DYNC2I1: variants seen among roughly 807,000 people sequenced by gnomAD.
DYNC2I1 encodes dynein 2 intermediate chain 1, also known as cytoplasmic dynein 2 intermediate chain 1.
A neutral mutation model predicts 133.4 loss-of-function variants in DYNC2I1; 89 were observed. That is an observed-to-expected ratio of 0.67 (90% CI 0.56 to 0.80). The LOEUF (loss-of-function observed/expected upper bound fraction) is 0.80, where lower values mean the gene tolerates loss of function less well. DYNC2I1 is among the 30% of genes least tolerant of loss of function. The probability of loss-of-function intolerance (pLI) is 0.00; values close to 1 mark genes in which losing one functional copy is unlikely to be tolerated. For synonymous variants in DYNC2I1, 504 were observed against 484.3 expected, an observed-to-expected ratio of 1.04 and a Z score of -0.54; for missense variants, 1,291 against 1,314.5, an observed-to-expected ratio of 0.98 and a Z score of 0.28.
At position 158,891,297 on chromosome 7, in the gene DYNC2I1, G is replaced by A; in HGVS notation, c.1023G>A (p.Trp341Ter). 6.2e-7 allele frequency: 1 copy of A among 1,614,068 alleles called. No homozygotes were observed. Among genetic ancestry groups the A allele is most frequent in the Non-Finnish European group, 8.5e-7 (1 of 1,179,902 alleles). ...ACGAGGAAGGCTCTTCTGTGTGGTG[G>A]AAGCTGGACCAGAGGCCGGGAGGCG... ...HGHEEGSSVW[W>*]KLDQRPGGEE... is the part of the protein sequence containing the mutation. Residue 341 changes from tryptophan (W) to a stop codon, truncating the protein, a stop_gained, in exon 8 of 25, where the codon TGG becomes TGA. Transcript: ENST00000407559. LOFTEE classifies it high-confidence loss of function.
At chr7:158,944,110 CTT>C (rs770226111) in intron 24 of DYNC2I1, among the ~76,000 whole-genome samples, 32 of 152,184 alleles carry the variant, frequency 2.1e-4, no homozygotes, top group Admixed American at 1.1e-3. Context: ...GGATTTAACA[CTT>C]TTAGAGTTAC....
chr7:158,912,872 C>A, intron 12 of DYNC2I1, 113 bp from the exon 13 acceptor site: 1 of 735,058 alleles, frequency 1.4e-6, no homozygotes, highest in Non-Finnish European at 2.2e-6. Context: ...CATGATTGTT[C>A]TTTATGCTTT....
the DYNC2I1 span, among the ~76,000 whole-genome samples, chr7:158,849,854 T>A: frequency 1.5e-3 from 228 of 152,306 alleles, 3 homozygotes; most frequent in South Asian, 0.029. Context: ...TCCTGATTGG[T>A]CCATGGGTGG....
At chr7:158,957,845 G>A (rs190344485), downstream of DYNC2I1, among the ~76,000 whole-genome samples, 245 of 152,322 alleles carry the variant, frequency 1.6e-3, 1 homozygote, top group African/African-American at 5.4e-3. Context: ...GCTACGTGCT[G>A]TATCAGACAC....
intron 6 of DYNC2I1, among the ~76,000 whole-genome samples, chr7:158,885,021 G>T (rs1844455245): frequency 6.6e-6 from 1 of 152,194 alleles, no homozygotes; most frequent in Non-Finnish European, 1.5e-5. Flanking sequence ...AGTCCTCCCT[G>T]CCTGAAGCTA....
Position 158,911,535 on chromosome 7 carries a change from C to T in DYNC2I1, c.1461-15C>T. 5 of 1,607,910 alleles carry T rather than the reference C, an allele frequency of 3.1e-6. No individual in the cohort carries two copies. The highest frequency in any genetic ancestry group is 3.4e-6 in the Non-Finnish European group (4 of 1,178,086). ...TTCGAGTTAATTTTTGTCTTGTTTC[C>T]AATTTATTTCAAAGGATGCGAAGTA... On this transcript the variant is annotated splice_polypyrimidine_tract_variant and intron_variant, in intron 11 of 24. Coordinates refer to ENST00000407559, the MANE Select transcript of DYNC2I1 (RefSeq NM_018051.5).
chr7:158,905,322 G>T, intron 10 of DYNC2I1: 1 of 308,416 alleles, frequency 3.2e-6, no homozygotes, highest in Non-Finnish European at 6.3e-6. Flanking sequence ...TGTATTTTTA[G>T]TAGAGACGGG....
At chr7:158,868,232 C>T (rs712198) in intron 1 of DYNC2I1, among the ~76,000 whole-genome samples, 33,300 of 152,086 alleles carry the variant, frequency 0.22, 3,803 homozygotes, top group Middle Eastern at 0.28. Context: ...TTTTAATAGT[C>T]CCCTCAGATG....
Position 158,918,790 on chromosome 7 carries a change from G to T in DYNC2I1, c.1842G>T (p.Trp614Cys). ...EEDRLAAEPSWNLRAQDRALY... is the reference protein window; with the variant it reads ...EEDRLAAEPSCNLRAQDRALY... ...ATCGCTTGGCAGCTGAACCCAGCTG[G>T]AATCTTAGGGCTCAAGACAGGGCCC... is the stretch of plus-strand genomic sequence containing the variant. The change falls in exon 15 of 25, where the codon TGG becomes TGT. Residue 614 changes from tryptophan (W) to cysteine (C), a missense_variant. Coordinates refer to ENST00000407559, the MANE Select transcript of DYNC2I1 (RefSeq NM_018051.5). 6.2e-7 allele frequency: 1 copy of T among 1,613,880 alleles called. No homozygotes were observed. The highest frequency in any genetic ancestry group is 8.5e-7 in the Non-Finnish European group (1 of 1,179,850).
At position 158,945,979 on chromosome 7, in the gene DYNC2I1, G is replaced by T; in HGVS notation, c.*200G>T. The T allele has an allele frequency of 1.9e-6, 1 of 526,320 alleles. No homozygotes were observed. The highest frequency in any genetic ancestry group is 3.0e-6 in the Non-Finnish European group (1 of 338,206). 32.6% of individuals were successfully genotyped at this position (526,320 alleles called of 1,614,324 possible). On this transcript the variant is annotated 3_prime_UTR_variant, in exon 25 of 25. Coordinates refer to ENST00000407559, the MANE Select transcript of DYNC2I1 (RefSeq NM_018051.5). This position sits in a 1 kb window ranked among gnomAD's most constrained non-coding sequence, Gnocchi z 4.1. The stretch of plus-strand genomic sequence containing the variant: ...TTGAGTGGAAACAAAGAACATTCTA[G>T]CATTTACAAAACTTCCAGGGGAATG...
intron 5 of DYNC2I1, among the ~76,000 whole-genome samples, chr7:158,880,272 C>T (rs576472545): frequency 2.6e-5 from 4 of 152,292 alleles, no homozygotes; most frequent in Non-Finnish European, 4.4e-5. Flanking sequence ...CGCGGTGGCT[C>T]ATGCCTGTCA....
At chr7:158,865,628 C>T (rs967902704) in intron 1 of DYNC2I1, among the ~76,000 whole-genome samples, 6 of 152,154 alleles carry the variant, frequency 3.9e-5, no homozygotes, top group Non-Finnish European at 7.3e-5. Flanking sequence ...CTGCTTAGCT[C>T]TCCTGAGTCT....
chr7:158,860,947 C>T (rs1401417300), intron 1 of DYNC2I1, among the ~76,000 whole-genome samples: 1 of 152,182 alleles, frequency 6.6e-6, no homozygotes, highest in Non-Finnish European at 1.5e-5. Context: ...TGTGGGGTTC[C>T]TCCAGAGAAC....
At chr7:158,878,400 T>G (rs1300819134) in intron 4 of DYNC2I1, among the ~76,000 whole-genome samples, 2 of 82,012 alleles carry the variant, frequency 2.4e-5, no homozygotes, top group African/African-American at 4.7e-5. Context: ...CCGGGTGCCA[T>G]GTGGGGAGGC....
chr7:158,914,626 A>G (rs1847825771), intron 14 of DYNC2I1, among the ~76,000 whole-genome samples: 1 of 152,264 alleles, frequency 6.6e-6, no homozygotes, highest in South Asian at 2.1e-4. Context: ...GAAGTTGGCA[A>G]GGCAAGCATA....
intron 3 of DYNC2I1, among the ~76,000 whole-genome samples, chr7:158,875,217 C>T (rs1843244275): frequency 6.6e-6 from 1 of 151,662 alleles, no homozygotes; most frequent in African/African-American, 2.4e-5. Context: ...TCCTTAGCCT[C>T]CTGAGTACCT....
chr7:158,872,528 A>G (rs1842976736), intron 3 of DYNC2I1, among the ~76,000 whole-genome samples: 1 of 151,974 alleles, frequency 6.6e-6, no homozygotes, highest in African/African-American at 2.4e-5. Flanking sequence ...CCAGCTACTC[A>G]GTAGGCTGAG....
chr7:158,949,928 C>T (rs1852004885), downstream of DYNC2I1, among the ~76,000 whole-genome samples: 1 of 152,078 alleles, frequency 6.6e-6, no homozygotes, highest in Non-Finnish European at 1.5e-5. Flanking sequence ...TGTGCCACCA[C>T]ACCTGGCTAA....
intron 19 of DYNC2I1, 132 bp from the exon 20 acceptor site, chr7:158,926,860 C>G (rs961422891): frequency 2.1e-5 from 14 of 664,576 alleles, no homozygotes; most frequent in South Asian, 1.6e-4. Context: ...GGCTAAAGAT[C>G]AGTCTCTTTT....
Sources: gnomAD v4.1 joint callset for allele counts (sites outside exome capture counted in the v4.1 genomes callset) on GRCh38, gnomAD v4.1.1 for gene constraint, Gnocchi (gnomAD v3.1) non-coding constraint, MANE v1.5 for transcripts, NCBI Gene and HGNC (gene_info 2026-07-23, HGNC 2026-07-21) for gene names.